IPO13: variants seen among roughly 807,000 people sequenced by gnomAD.
The protein encoded by IPO13 is importin 13.
IPO13 carries 28 observed loss-of-function variants against 115.5 expected under a neutral mutation model. That is an observed-to-expected ratio of 0.24 (90% CI 0.18 to 0.33). IPO13 has a LOEUF of 0.33. IPO13 is among the 10% of genes least tolerant of loss of function. The probability of loss-of-function intolerance (pLI) is 1.00; values close to 1 mark genes in which losing one functional copy is unlikely to be tolerated. For missense variants in IPO13, 785 were observed against 1,204.6 expected (o/e 0.65, Z 5.16); for synonymous variants, 414 against 478.9 (o/e 0.86, Z 1.77).
chr1:43,960,868 T>C lies in IPO13; in HGVS notation c.2110-8T>C. 1 of 1,614,052 alleles carries C rather than the reference T, an allele frequency of 6.2e-7. No homozygotes were observed. The highest frequency in any genetic ancestry group is 8.5e-7 in the Non-Finnish European group (1 of 1,180,002). ...TGCTGACCAGGGCCCCTTTGCTTTCTTCCCAAGGCGGTGTGCGCTATCTTT... is the reference window on the plus strand; with the variant it reads ...TGCTGACCAGGGCCCCTTTGCTTTCCTCCCAAGGCGGTGTGCGCTATCTTT... On this transcript the variant is annotated splice_polypyrimidine_tract_variant and splice_region_variant and intron_variant, in intron 12 of 19. Coordinates refer to ENST00000372343, the MANE Select transcript of IPO13 (RefSeq NM_014652.4).
At position 43,966,861 on chromosome 1, in the gene IPO13, G is replaced by T. The variant is rs567808794; in HGVS notation, c.2524-69G>T. ...CAGGACTTCAGACAGTAGGGCTGGG[G>T]TGTACAGGTCTTGTCCTCAGGGAGA... On this transcript the variant is annotated intron_variant, in intron 17 of 19. Transcript: ENST00000372343. This position sits in a 1 kb window ranked among gnomAD's most constrained non-coding sequence, Gnocchi z 4.1. 2 of 1,607,014 alleles carry T rather than the reference G, an allele frequency of 1.2e-6. No individual in the cohort carries two copies. The highest frequency in any genetic ancestry group is 1.1e-5 in the South Asian group (1 of 90,928).
chr1:43,967,056 G>A lies in IPO13; in HGVS notation c.2613+37G>A, dbSNP rs774887117. On this transcript the variant is annotated intron_variant, in intron 18 of 19. Coordinates refer to ENST00000372343, the MANE Select transcript of IPO13 (RefSeq NM_014652.4). The surrounding 1 kb of genome is among the most constrained non-coding windows in gnomAD (Gnocchi z 6.1). ...CAAAGGGGGGTTTGATGGGGGTGAG[G>A]GCCCCTCACTGCTGAGGCAGCTGGC... 2 of 1,577,250 alleles carry A rather than the reference G, an allele frequency of 1.3e-6. No individual in the cohort carries two copies. The highest frequency in any genetic ancestry group is 1.7e-5 in the Admixed American group (1 of 59,974).
Position 43,952,330 on chromosome 1 carries a change from C to T in IPO13, c.821+2177C>T. Among the ~76,000 whole-genome samples, 1 of 152,114 alleles carries T rather than the reference C, an allele frequency of 6.6e-6. No individual in the cohort carries two copies. Among genetic ancestry groups the T allele is most frequent in the East Asian group, 1.9e-4 (1 of 5,194 alleles). On this transcript the variant is annotated intron_variant, in intron 2 of 19. Coordinates refer to ENST00000372343, the MANE Select transcript of IPO13 (RefSeq NM_014652.4). This position sits in a 1 kb window ranked among gnomAD's most constrained non-coding sequence, Gnocchi z 4.7. Reference sequence around the variant, plus strand: ...GATTACAGGCGTGCATCACCACGCCCAGCTAATTTTTGTATTTTTAGTAGA... The same window carrying T: ...GATTACAGGCGTGCATCACCACGCCTAGCTAATTTTTGTATTTTTAGTAGA...
At chr1:43,962,750 G>A (rs1374579208) in intron 14 of IPO13, among the ~76,000 whole-genome samples, 1 of 152,230 alleles carries the variant, frequency 6.6e-6, no homozygotes, top group Admixed American at 6.5e-5. Flanking sequence ...AGAATTGGGT[G>A]CTTCTAACTG....
chr1:43,958,343 G>A lies in IPO13; in HGVS notation c.1749+75G>A. The A allele has an allele frequency of 1.2e-6, 2 of 1,609,634 alleles. No homozygotes were observed. The highest frequency in any genetic ancestry group is 2.2e-5 in the South Asian group (2 of 90,948). On this transcript the variant is annotated intron_variant, in intron 9 of 19. Coordinates refer to ENST00000372343, the MANE Select transcript of IPO13 (RefSeq NM_014652.4). This position sits in a 1 kb window ranked among gnomAD's most constrained non-coding sequence, Gnocchi z 6.3. ...ACTTATCCCTGAAATCCTGTTTTTTGGCCTTCCCCTTCCTCTTATCCCTTA... is the reference window on the plus strand; with the variant it reads ...ACTTATCCCTGAAATCCTGTTTTTTAGCCTTCCCCTTCCTCTTATCCCTTA...
Position 43,950,039 on chromosome 1 carries a change from T to C in IPO13, c.707T>C (p.Leu236Pro). ...AGCTGGGTGCAGCTGGAGGTGCCGC[T>C]GCAGGACTGTGAGGCGCTCATTCAG... ...FSSWVQLEVP[L>P]QDCEALIQAA... Residue 236 changes from leucine to proline, a missense_variant, in exon 2 of 20, where the codon CTG becomes CCG. Around this residue, in one of 3 missense-constraint regions of IPO13, gnomAD observed 325 missense variants for 449.8 expected, o/e 0.72. Transcript: ENST00000372343. 2 of 1,613,782 alleles carry C rather than the reference T, an allele frequency of 1.2e-6. No homozygotes were observed. Among genetic ancestry groups the C allele is most frequent in the Non-Finnish European group, 1.7e-6 (2 of 1,179,978 alleles).
chr1:43,949,925 G>A lies in IPO13; in HGVS notation c.593G>A (p.Cys198Tyr), dbSNP rs1219093929. The A allele has an allele frequency of 6.2e-7, 1 of 1,609,952 alleles. No homozygotes were observed. Among genetic ancestry groups the A allele is most frequent in the Non-Finnish European group, 8.5e-7 (1 of 1,179,592 alleles). ...GTGCGGACCAGCCTGGCGGTGGAATGTGGGGCTGTCTTCCCGCTGCTGGAG... is the reference window on the plus strand; with the variant it reads ...GTGCGGACCAGCCTGGCGGTGGAATATGGGGCTGTCTTCCCGCTGCTGGAG... ...GLVRTSLAVE[C>Y]GAVFPLLEQL... Residue 198 changes from cysteine (C) to tyrosine (Y), a missense_variant, in exon 2 of 20, where the codon TGT becomes TAT. Cys to Tyr is a radical substitution (Grantham distance 194, BLOSUM62 -2). Transcript: ENST00000372343.
chr1:43,950,119 A>G lies in IPO13; in HGVS notation c.787A>G (p.Ile263Val). The change falls in exon 2 of 20, where the codon ATT becomes GTT. Residue 263 changes from isoleucine to valine, a missense_variant. This residue lies in a region of IPO13 where 325 missense variants were observed against 449.8 expected (regional missense o/e 0.72). Coordinates refer to ENST00000372343, the MANE Select transcript of IPO13 (RefSeq NM_014652.4). The part of the protein sequence containing the change: ...SELFDSSVEA[I>V]VNAISQPDAQ... ...GCTCTTCGACAGCAGTGTGGAGGCC[A>G]TTGTGAATGCCATCTCACAGCCTGA... The G allele has an allele frequency of 6.2e-7, 1 of 1,612,574 alleles. No individual in the cohort carries two copies. Among genetic ancestry groups the G allele is most frequent in the Non-Finnish European group, 8.5e-7 (1 of 1,179,066 alleles).
chr1:43,958,904 C>T lies in IPO13; in HGVS notation c.2028+15C>T, dbSNP rs1557633424. ...GACCCAACCCCGTGGGTGACATTTGCCCACGGCAAAGACATTTGTCTTTGC... is the reference window on the plus strand; with the variant it reads ...GACCCAACCCCGTGGGTGACATTTGTCCACGGCAAAGACATTTGTCTTTGC... On this transcript the variant is annotated intron_variant, in intron 11 of 19. Coordinates refer to ENST00000372343, the MANE Select transcript of IPO13 (RefSeq NM_014652.4). This position sits in a 1 kb window ranked among gnomAD's most constrained non-coding sequence, Gnocchi z 6.3. The T allele has an allele frequency of 1.2e-6, 2 of 1,612,024 alleles. No individual in the cohort carries two copies. The highest frequency in any genetic ancestry group is 1.7e-5 in the Admixed American group (1 of 59,950).
At chr1:43,957,353 C>T (rs201470482) in intron 6 of IPO13, 38 bp downstream of exon 6, 35 of 1,613,504 alleles carry the variant, frequency 2.2e-5, no homozygotes, top group East Asian at 4.5e-5. Flanking sequence ...CTTCCCAGAC[C>T]TGTCACACCC....
At position 43,967,001 on chromosome 1, in the gene IPO13, G is replaced by A. The variant is rs2085330361; in HGVS notation, c.2595G>A (p.Leu865=). The part of the protein sequence containing the change: ...GKVVQEDGRM[L]LIAVLEAIGG... ...TGGTACAGGAAGACGGTCGTATGCTGCTCATAGCAGTGCTGGAGGTGAGAC... is the reference window on the plus strand; with the variant it reads ...TGGTACAGGAAGACGGTCGTATGCTACTCATAGCAGTGCTGGAGGTGAGAC... Residue 865 remains leucine, a synonymous_variant, in exon 18 of 20, where the codon CTG becomes CTA. Transcript: ENST00000372343. This position sits in a 1 kb window ranked among gnomAD's most constrained non-coding sequence, Gnocchi z 6.1. The A allele has an allele frequency of 1.9e-6, 3 of 1,613,882 alleles. No homozygotes were observed. The highest frequency in any genetic ancestry group is 2.5e-6 in the Non-Finnish European group (3 of 1,179,994).
chr1:43,964,178 T>A, intron 14 of IPO13, 91 bp from the exon 15 acceptor site: 1 of 834,856 alleles, frequency 1.2e-6, no homozygotes. Flanking sequence ...CCACGCTGTC[T>A]CCCTGCAGGC....
intron 1 of IPO13, among the ~76,000 whole-genome samples, chr1:43,948,424 G>A (rs1189798508): frequency 6.6e-6 from 1 of 152,232 alleles, no homozygotes; most frequent in African/African-American, 2.4e-5. Flanking sequence ...GGGAGATGGG[G>A]CTCCCTTACT....
rs532891872 is a variant in IPO13, at chr1:43,948,949, T to A, written c.85-468T>A. Among the ~76,000 whole-genome samples the A allele has an allele frequency of 1.9e-4, 29 of 152,342 alleles. No homozygotes were observed. In the South Asian group the frequency reaches 6.0e-3, roughly 32 times the overall value. On this transcript the variant is annotated intron_variant, in intron 1 of 19. Transcript: ENST00000372343. Reference sequence around the variant, plus strand: ...TTTCACACTGGCTTTGGTGCCAGCATCTGGACTGACCTAGGGATGATCCTG... The same window carrying A: ...TTTCACACTGGCTTTGGTGCCAGCAACTGGACTGACCTAGGGATGATCCTG...
rs1315394640 is a variant in IPO13, at chr1:43,956,182, C to T, written c.822-138C>T. ...GGGAACATCAAATCTGCCATGTAGA[C>T]CCTGACCCTTTTTTTGCTTAGGATT... On this transcript the variant is annotated intron_variant, in intron 2 of 19. Coordinates refer to ENST00000372343, the MANE Select transcript of IPO13 (RefSeq NM_014652.4). The surrounding 1 kb of genome is among the most constrained non-coding windows in gnomAD (Gnocchi z 4.7). The T allele has an allele frequency of 1.2e-5, 11 of 945,344 alleles. No homozygotes were observed. Among genetic ancestry groups the T allele is most frequent in the Non-Finnish European group, 3.1e-6 (2 of 641,416 alleles). The allele number at this position is 945,344 out of a possible 1,614,324, so 58.6% of individuals were successfully genotyped here. A position where few individuals can be genotyped will look rare whatever the true frequency, so the allele number is the denominator to read the frequency against.
In IPO13 at chr1:43,967,919, A is replaced by G; in HGVS notation, c.*237A>G. ...GAAGAGATACTACTGTAGCCAAGCC[A>G]CCTAGGCTGGAGCCCTTCAGAATAC... On this transcript the variant is annotated 3_prime_UTR_variant, in exon 20 of 20. Coordinates refer to ENST00000372343, the MANE Select transcript of IPO13 (RefSeq NM_014652.4). The surrounding 1 kb of genome is among the most constrained non-coding windows in gnomAD (Gnocchi z 6.1). 1.7e-6 allele frequency: 1 copy of G among 583,736 alleles called. No homozygotes were observed. The highest frequency in any genetic ancestry group is 1.9e-5 in the African/African-American group (1 of 53,638). The allele number at this position is 583,736 out of a possible 1,614,324, so 36.2% of individuals were successfully genotyped here.
intron 2 of IPO13, among the ~76,000 whole-genome samples, chr1:43,953,849 C>T (rs1332236548): frequency 1.3e-5 from 2 of 152,136 alleles, no homozygotes; most frequent in African/African-American, 2.4e-5. Flanking sequence ...CTGAGACGTA[C>T]ATAAATCCTT....
In IPO13 at chr1:43,952,223, G is replaced by A. The variant is rs1016544671; in HGVS notation, c.821+2070G>A. Among the ~76,000 whole-genome samples the A allele has an allele frequency of 3.3e-5, 5 of 152,184 alleles. No individual in the cohort carries two copies. Among genetic ancestry groups the A allele is most frequent in the Non-Finnish European group, 7.3e-5 (5 of 68,032 alleles). On this transcript the variant is annotated intron_variant, in intron 2 of 19. Transcript: ENST00000372343. This position sits in a 1 kb window ranked among gnomAD's most constrained non-coding sequence, Gnocchi z 4.7. ...CTCACTCTGTCACCCAGGCTGGTGT[G>A]CAGTGGCACAATCTCGGCTCACTGC...
Position 43,960,442 on chromosome 1 carries a change from G to T in IPO13, c.2109+113G>T, listed in dbSNP as rs1207450245. The T allele has an allele frequency of 5.3e-6, 5 of 945,518 alleles. No individual in the cohort carries two copies. In the African/African-American group the frequency reaches 8.1e-5, roughly 15 times the overall value. The allele number at this position is 945,518 out of a possible 1,614,324, so 58.6% of individuals were successfully genotyped here. On this transcript the variant is annotated intron_variant, in intron 12 of 19. Coordinates refer to ENST00000372343, the MANE Select transcript of IPO13 (RefSeq NM_014652.4). ...ATGGTTTGGAGAAAACAAGGGAGGT[G>T]AATCCTGCCCCATAGAGATAAGGAA...
Sources: allele counts gnomAD v4.1 joint callset (sites outside exome capture counted in the v4.1 genomes callset), GRCh38; gene constraint gnomAD v4.1.1; regional missense constraint gnomAD v4.1.1; non-coding constraint Gnocchi (gnomAD v3.1); transcripts MANE v1.5; gene names NCBI Gene and HGNC (gene_info 2026-07-23, HGNC 2026-07-21).